UBTF: variants seen among roughly 807,000 people sequenced by gnomAD.
UBTF encodes the protein nucleolar transcription factor 1.
Under a neutral mutation model 112.3 loss-of-function variants are expected in UBTF, and 8 were observed. The observed-to-expected ratio is 0.07, with a 90% confidence interval of 0.04 to 0.13. The LOEUF (loss-of-function observed/expected upper bound fraction) is 0.13. UBTF is among the 10% of genes least tolerant of loss of function. UBTF has a pLI of 1.00. For synonymous variants in UBTF, 417 were observed against 373.1 expected, an observed-to-expected ratio of 1.12 and a Z score of -1.36; for missense variants, 457 against 982.1, an observed-to-expected ratio of 0.47 and a Z score of 7.15.
chr17:44,213,747 G>T (rs752377313), intron 5 of UBTF, among the ~76,000 whole-genome samples: 1 of 152,176 alleles, frequency 6.6e-6, no homozygotes, highest in Non-Finnish European at 1.5e-5. Context: ...GGCCAGGGCT[G>T]GGCTGAGTCC....
rs750865992 is a variant in UBTF, at chr17:44,212,352, C to G, written c.763G>C (p.Glu255Gln). Reference sequence around the variant, plus strand: ...CGCAGCGGAAGCCTAACCTCGTACTCCTTCCGCTGCTCCAGGGCCTTATGA... The same window carrying G: ...CGCAGCGGAAGCCTAACCTCGTACTGCTTCCGCTGCTCCAGGGCCTTATGA... ...WIHKALEQRK[E>Q]YEEIMRDYIQ... Residue 255 changes from glutamate to glutamine, a missense_variant, in exon 8 of 21, where the codon GAG becomes CAG. Glu to Gln is a conservative substitution (Grantham distance 29). Around this residue, in one of 7 missense-constraint regions of UBTF, gnomAD observed 87 missense variants for 286.6 expected, o/e 0.30. Coordinates refer to ENST00000436088, the MANE Select transcript of UBTF (RefSeq NM_014233.4). The G allele has an allele frequency of 6.2e-7, 1 of 1,612,854 alleles. No individual in the cohort carries two copies. The highest frequency in any genetic ancestry group is 1.3e-5 in the African/African-American group (1 of 74,860).
chr17:44,213,847 C>T (rs919771014), intron 5 of UBTF, among the ~76,000 whole-genome samples: 2 of 152,290 alleles, frequency 1.3e-5, no homozygotes, highest in Non-Finnish European at 2.9e-5. Context: ...CTGCATCTTC[C>T]TGCCCAGTTC....
chr17:44,214,329 G>C (rs2046737141), intron 5 of UBTF, among the ~76,000 whole-genome samples: 1 of 152,212 alleles, frequency 6.6e-6, no homozygotes. Flanking sequence ...TAGACCTGAA[G>C]GGGACCACAC....
upstream of UBTF, chr17:44,220,624 G>A (rs2047141750): frequency 6.6e-6 from 1 of 152,116 alleles, no homozygotes; most frequent in Non-Finnish European, 1.5e-5. Context: ...TGTGGGAGCC[G>A]GTTCAATCCA....
chr17:44,218,254 C>T lies in UBTF; in HGVS notation c.-25G>A, dbSNP rs755202878. 6.2e-7 allele frequency: 1 copy of T among 1,611,478 alleles called. No individual in the cohort carries two copies. Among genetic ancestry groups the T allele is most frequent in the Non-Finnish European group, 8.5e-7 (1 of 1,179,598 alleles). ...TCCTCCAGCTGTCCAGCCACCTCCTCGGTCGTGCTGGCCGGGCAACCCGGG... is the reference window on the plus strand; with the variant it reads ...TCCTCCAGCTGTCCAGCCACCTCCTTGGTCGTGCTGGCCGGGCAACCCGGG... On this transcript the variant is annotated 5_prime_UTR_variant, in exon 2 of 21. Transcript: ENST00000436088.
Position 44,210,422 on chromosome 17 carries a change from G to A in UBTF, c.1411C>T (p.Pro471Ser), listed in dbSNP as rs766049083. The A allele has an allele frequency of 1.9e-6, 3 of 1,613,852 alleles. No individual in the cohort carries two copies. Among genetic ancestry groups the A allele is most frequent in the South Asian group, 1.1e-5 (1 of 91,086 alleles). The change falls in exon 14 of 21, where the codon CCC (proline) becomes TCC (serine). Residue 471 changes from proline (P) to serine (S), a missense_variant. Around this residue, in one of 7 missense-constraint regions of UBTF, gnomAD observed 108 missense variants for 137.4 expected, o/e 0.79. Transcript: ENST00000436088. Reference protein sequence around the residue: ...AALKAQSERKPGGEREERGKL... With the variant: ...AALKAQSERKSGGEREERGKL... ...CCCCGTTCCTCGCGCTCCCCGCCGG[G>A]CTTCCTCTCCGACTGAGCCTTGAGC...
chr17:44,210,623 C>A, intron 13 of UBTF, 150 bp from the exon 14 acceptor site: 2 of 1,383,706 alleles, frequency 1.4e-6, no homozygotes, highest in Non-Finnish European at 1.9e-6. Context: ...TGGTCTGCGG[C>A]GCTCAGCTGA....
At chr17:44,212,176 A>G in intron 8 of UBTF, 168 bp downstream of exon 8, 1 of 245,022 alleles carries the variant, frequency 4.1e-6, no homozygotes, top group Non-Finnish European at 7.3e-6. Flanking sequence ...CTGAGATCTC[A>G]TGGGGGTGGG....
At position 44,218,103 on chromosome 17, in the gene UBTF, G is replaced by A. The variant is rs1477640862; in HGVS notation, c.58+69C>T. On this transcript the variant is annotated intron_variant, in intron 2 of 20. Coordinates refer to ENST00000436088, the MANE Select transcript of UBTF (RefSeq NM_014233.4). Reference sequence around the variant, plus strand: ...CAGACTGAAAAAGCCCTTGAAGAAGGGAGTGAGCCCCGCAGCCACGAGGGA... The same window carrying A: ...CAGACTGAAAAAGCCCTTGAAGAAGAGAGTGAGCCCCGCAGCCACGAGGGA... 6.0e-6 allele frequency: 9 copies of A among 1,496,268 alleles called. No homozygotes were observed. In the East Asian group the frequency reaches 1.1e-4, roughly 19 times the overall value. 92.7% of individuals were successfully genotyped at this position (1,496,268 alleles called of 1,614,324 possible).
At position 44,209,719 on chromosome 17, in the gene UBTF, C is replaced by T; in HGVS notation, c.1641G>A (p.Glu547=). The change falls in exon 16 of 21, where the codon GAG becomes GAA. Residue 547 remains glutamate (E), a synonymous_variant. Coordinates refer to ENST00000436088, the MANE Select transcript of UBTF (RefSeq NM_014233.4). ...TTGTAGCAGCTGGAGGTGCCCGCAT[C>T]TCACTCAGCTCTCTCTGGAGGGAGA... The part of the protein sequence containing the change: ...DQKRYERELS[E]MRAPPAATNS... 1 of 1,614,178 alleles carries T rather than the reference C, an allele frequency of 6.2e-7. No homozygotes were observed. The highest frequency in any genetic ancestry group is 8.5e-7 in the Non-Finnish European group (1 of 1,180,024).
At chr17:44,218,593 C>CA in intron 1 of UBTF, 3 of 92,288 alleles carry the variant, frequency 3.3e-5, no homozygotes, top group South Asian at 2.6e-4. Flanking sequence ...CCAACCCCAG[C>CA]CAAAAAAAAA....
chr17:44,218,563 C>T (rs370974617), intron 1 of UBTF: 48 of 298,516 alleles, frequency 1.6e-4, no homozygotes, highest in Admixed American at 9.3e-4. Flanking sequence ...GCAGCGAGCG[C>T]CCGCCCTCCG....
chr17:44,212,282 C>A (rs1297250018), intron 8 of UBTF, 62 bp downstream of exon 8: 6 of 1,431,514 alleles, frequency 4.2e-6, no homozygotes, highest in Admixed American at 3.5e-5. Flanking sequence ...GCGGTGGCCA[C>A]GGAGTCGGAG....
chr17:44,210,284 A>G, intron 14 of UBTF, 34 bp downstream of exon 14: 1 of 1,614,216 alleles, frequency 6.2e-7, no homozygotes, highest in Non-Finnish European at 8.5e-7. Context: ...CCGGGGCTAG[A>G]GGCTGCAGTA....
chr17:44,218,739 C>T (rs984343790), intron 1 of UBTF, among the ~76,000 whole-genome samples: 2 of 151,692 alleles, frequency 1.3e-5, no homozygotes, highest in African/African-American at 4.8e-5. Flanking sequence ...CTCCTCCTCC[C>T]GCCTCCCCCC....
rs1276947392 is a variant in UBTF, at chr17:44,206,760, CCCT to C, written c.*479_*481del. The C allele has an allele frequency of 1.1e-5, 2 of 180,428 alleles. No individual in the cohort carries two copies. Among genetic ancestry groups the C allele is most frequent in the Non-Finnish European group, 2.3e-5 (2 of 86,756 alleles). The allele number at this position is 180,428 out of a possible 1,614,324, so 11.2% of individuals were successfully genotyped here. On this transcript the variant is annotated 3_prime_UTR_variant, in exon 21 of 21. Coordinates refer to ENST00000436088, the MANE Select transcript of UBTF (RefSeq NM_014233.4). ...GTGCCTGTTTTCTTGAAGGCACCGA[CCCT>C]CCTCCTCCCCATGTTCCCTGCCTCC...
rs57107684 is a variant in UBTF at position 44,208,092 on chromosome 17, ATTTTTTTT to A, written c.1906-189_1906-182del. Among the ~76,000 whole-genome samples, 989 of 118,026 alleles carry A rather than the reference ATTTTTTTT, an allele frequency of 8.4e-3. 10 individuals are homozygous for A. The highest frequency in any genetic ancestry group is 0.023 in the African/African-American group (716 of 30,538). 77.4% of individuals were successfully genotyped at this position (118,026 alleles called of 152,430 possible). On this transcript the variant is annotated intron_variant, in intron 17 of 20. Transcript: ENST00000436088. ...CCTGGGATCTGAGAACACAGCTCTA[ATTTTTTTT>A]TTTTTTTTTTTTTTTTTTTTGAAAC...
At position 44,212,846 on chromosome 17, in the gene UBTF, C is replaced by T. The variant is rs2056783723; in HGVS notation, c.633G>A (p.Lys211=). ...TPQQLWYTHE[K]KVYLKVRPDA... is the part of the protein sequence containing the mutation. ...CTGGCCGCACTTTGAGATACACCTT[C>T]TTCTCGTGGGTGTACCACAGCTGCT... The change falls in exon 7 of 21, where the codon AAG becomes AAA. Residue 211 remains lysine (K), a synonymous_variant. Coordinates refer to ENST00000436088, the MANE Select transcript of UBTF (RefSeq NM_014233.4). 6.2e-7 allele frequency: 1 copy of T among 1,614,034 alleles called. No individual in the cohort carries two copies. Among genetic ancestry groups the T allele is most frequent in the Admixed American group, 1.7e-5 (1 of 60,000 alleles).
chr17:44,213,047 G>A, intron 6 of UBTF, 108 bp from the exon 7 acceptor site: 2 of 1,558,460 alleles, frequency 1.3e-6, no homozygotes, highest in Non-Finnish European at 1.7e-6. Flanking sequence ...GGGGCTCAGT[G>A]GGACGGTGGC....
Sources: allele counts gnomAD v4.1 joint callset (sites outside exome capture counted in the v4.1 genomes callset), GRCh38; gene constraint gnomAD v4.1.1; regional missense constraint gnomAD v4.1.1; transcripts MANE v1.5; gene names NCBI Gene and HGNC (gene_info 2026-07-23, HGNC 2026-07-21).